Variants in TSHZ2 observed in about 807,000 individuals in gnomAD.
TSHZ2 encodes teashirt zinc finger homeobox 2.
Under a neutral mutation model 74.4 loss-of-function variants are expected in TSHZ2, and 21 were observed. That is an observed-to-expected ratio of 0.28 (90% CI 0.20 to 0.41). TSHZ2 has a LOEUF of 0.41. Among genes scored for constraint, TSHZ2 ranks in the 10% least tolerant of loss-of-function variants. TSHZ2 has a pLI of 1.00. For missense variants in TSHZ2, 1,244 were observed against 1,293.5 expected (o/e 0.96, Z 0.59); for synonymous variants, 540 against 515.3 (o/e 1.05, Z -0.65).
intron 1 of TSHZ2, among the ~76,000 whole-genome samples, chr20:53,041,084 A>T (rs1984023867): frequency 6.6e-6 from 1 of 152,128 alleles, no homozygotes; most frequent in South Asian, 2.1e-4. Flanking sequence ...TGCACTAATT[A>T]CCAGACAGTG....
chr20:53,154,622 C>G (rs1424612237), intron 1 of TSHZ2, among the ~76,000 whole-genome samples: 1 of 152,132 alleles, frequency 6.6e-6, no homozygotes, highest in African/African-American at 2.4e-5. Context: ...CCCTCATTGA[C>G]CACTCCTGTC....
At chr20:53,101,551 T>C (rs1986218358) in intron 1 of TSHZ2, among the ~76,000 whole-genome samples, 1 of 152,074 alleles carries the variant, frequency 6.6e-6, no homozygotes, top group Non-Finnish European at 1.5e-5. Flanking sequence ...AATCCAACCA[T>C]TCTTGATTTC....
intron 1 of TSHZ2, among the ~76,000 whole-genome samples, chr20:53,099,113 C>T (rs988240087): frequency 6.6e-6 from 1 of 152,122 alleles, no homozygotes; most frequent in Non-Finnish European, 1.5e-5. Flanking sequence ...CCAGCTCAGC[C>T]TAAGAGGTAA....
intron 1 of TSHZ2, among the ~76,000 whole-genome samples, chr20:53,024,735 C>A (rs893123981): frequency 2.6e-5 from 4 of 152,084 alleles, no homozygotes; most frequent in Non-Finnish European, 4.4e-5. Context: ...TTATGAGGAA[C>A]AACATGCAGT....
chr20:53,201,633 T>C (rs1989008313), intron 1 of TSHZ2, among the ~76,000 whole-genome samples: 1 of 152,218 alleles, frequency 6.6e-6, no homozygotes, highest in Non-Finnish European at 1.5e-5. Context: ...CATTCGGACG[T>C]AGACATCTTT....
intron 2 of TSHZ2, among the ~76,000 whole-genome samples, chr20:53,410,400 A>C (rs1171980994): frequency 6.6e-6 from 1 of 152,114 alleles, no homozygotes; most frequent in African/African-American, 2.4e-5. Context: ...AAACAGAGCA[A>C]ATCAAGGCAC....
At chr20:53,441,275 A>ATTTTAT (rs1469991178) in intron 2 of TSHZ2, among the ~76,000 whole-genome samples, 1 of 117,646 alleles carries the variant, frequency 8.5e-6, no homozygotes, top group East Asian at 2.3e-4. Flanking sequence ...ATTTTATTTT[A>ATTTTAT]TTTATTTTGA....
intron 1 of TSHZ2, among the ~76,000 whole-genome samples, chr20:53,091,503 C>G (rs1410293867): frequency 6.6e-6 from 1 of 152,112 alleles, no homozygotes; most frequent in Non-Finnish European, 1.5e-5. Context: ...TACTTAAATC[C>G]TTCATTTATA....
At chr20:53,442,464 C>T (rs2145760068) in intron 2 of TSHZ2, among the ~76,000 whole-genome samples, 1 of 152,230 alleles carries the variant, frequency 6.6e-6, no homozygotes, top group South Asian at 2.1e-4. Context: ...CTTAGGTAGA[C>T]AGAGGGAAGG....
chr20:53,171,699 T>C (rs1008815162), intron 1 of TSHZ2, among the ~76,000 whole-genome samples: 14 of 152,252 alleles, frequency 9.2e-5, no homozygotes, highest in Admixed American at 6.5e-4. Flanking sequence ...ATAATAAAAA[T>C]AATTTTGTTG....
At chr20:53,296,035 C>CA (rs35311773) in intron 2 of TSHZ2, among the ~76,000 whole-genome samples, 3,836 of 97,626 alleles carry the variant, frequency 0.039, 69 homozygotes, top group Middle Eastern at 0.082. Flanking sequence ...GTAATGACTG[C>CA]AAAAAAAAAA....
At chr20:53,276,976 A>G (rs1990960489) in intron 2 of TSHZ2, among the ~76,000 whole-genome samples, 1 of 152,218 alleles carries the variant, frequency 6.6e-6, no homozygotes, top group Non-Finnish European at 1.5e-5. Flanking sequence ...AGGATGACCT[A>G]TTACAGGGGC....
At chr20:53,082,441 C>G (rs1985566582) in intron 1 of TSHZ2, among the ~76,000 whole-genome samples, 1 of 152,210 alleles carries the variant, frequency 6.6e-6, no homozygotes, top group Non-Finnish European at 1.5e-5. Flanking sequence ...AAGTAATTAC[C>G]TGTGTAGAAC....
At chr20:53,312,493 G>A (rs957025870) in intron 2 of TSHZ2, among the ~76,000 whole-genome samples, 2 of 152,160 alleles carry the variant, frequency 1.3e-5, no homozygotes, top group Admixed American at 6.5e-5. Flanking sequence ...ATTCAAAAGC[G>A]ACAGGAGCCA....
chr20:53,330,565 C>T (rs986451858), intron 2 of TSHZ2, among the ~76,000 whole-genome samples: 1 of 152,202 alleles, frequency 6.6e-6, no homozygotes, highest in African/African-American at 2.4e-5. Context: ...TACCAGTAGT[C>T]ACTCCTAAGT....
At chr20:53,396,560 G>A (rs1982454699) in intron 2 of TSHZ2, among the ~76,000 whole-genome samples, 1 of 152,072 alleles carries the variant, frequency 6.6e-6, no homozygotes, top group Non-Finnish European at 1.5e-5. Flanking sequence ...AAAAAAGAGA[G>A]AGAGACCAGG....
intron 1 of TSHZ2, among the ~76,000 whole-genome samples, chr20:53,212,165 C>CACATGG (rs1989325627): frequency 6.6e-6 from 1 of 152,148 alleles, no homozygotes; most frequent in African/African-American, 2.4e-5. Flanking sequence ...TGGAATCCCT[C>CACATGG]ACATGGAGTC....
intron 2 of TSHZ2, among the ~76,000 whole-genome samples, chr20:53,415,492 C>A (rs1438760267): frequency 1.3e-5 from 2 of 151,912 alleles, no homozygotes; most frequent in Non-Finnish European, 1.5e-5. Flanking sequence ...CCCCATGCAC[C>A]CCACACACAC....
chr20:53,041,812 A>G (rs778003848), intron 1 of TSHZ2, among the ~76,000 whole-genome samples: 14 of 152,224 alleles, frequency 9.2e-5, no homozygotes, highest in Non-Finnish European at 1.6e-4. Context: ...ACTTGAAAGA[A>G]AAGTGTTAAA....
Sources: gnomAD v4.1 joint callset for allele counts (sites outside exome capture counted in the v4.1 genomes callset) on GRCh38, gnomAD v4.1.1 for gene constraint, MANE v1.5 for transcripts, NCBI Gene and HGNC (gene_info 2026-07-23, HGNC 2026-07-21) for gene names.